Variants in DOCK4 observed in about 807,000 individuals in gnomAD.
DOCK4 encodes the protein dedicator of cytokinesis 4, also known as dedicator of cytokinesis protein 4.
A neutral mutation model predicts 268.1 loss-of-function variants in DOCK4; 97 were observed. That is an observed-to-expected ratio of 0.36 (90% CI 0.31 to 0.43). The LOEUF (loss-of-function observed/expected upper bound fraction) is 0.43, where lower values mean the gene tolerates loss of function less well. Among genes scored for constraint, DOCK4 ranks in the 20% least tolerant of loss-of-function variants. The pLI, the probability that DOCK4 is intolerant of heterozygous loss-of-function variation, is 1.00. For synonymous variants in DOCK4, 954 were observed against 887.2 expected (o/e 1.08, Z -1.34); for missense variants, 2,145 against 2,455.7 (o/e 0.87, Z 2.67).
chr7:111,888,233 AT>A (rs1467654419), intron 16 of DOCK4, among the ~76,000 whole-genome samples: 1 of 147,526 alleles, frequency 6.8e-6, no homozygotes, highest in Non-Finnish European at 1.5e-5. Context: ...GCCCTCTCCT[AT>A]CCCCAGCCCT....
chr7:111,741,140 T>C lies in DOCK4; in HGVS notation c.4994A>G (p.Asn1665Ser), dbSNP rs1795889068. The change falls in exon 47 of 53, where the codon AAT becomes AGT. Residue 1665 changes from asparagine to serine, a missense_variant. Asn to Ser is a conservative substitution (Grantham distance 46). This residue lies in a region of DOCK4 where 547 missense variants were observed against 469.0 expected (regional missense o/e 1.17). Coordinates refer to ENST00000428084, the MANE Select transcript of DOCK4 (RefSeq NM_001363540.2). The stretch of plus-strand genomic sequence containing the variant: ...AGAGCTTTCTGATTGCCCTGTAATA[T>C]TGCTTACTTCAGCAGAAGCTTGTGA... ...LSSQASAEVS[N>S]ITGQSESSDE... is the part of the protein sequence containing the mutation. 1 of 1,613,960 alleles carries C rather than the reference T, an allele frequency of 6.2e-7. No individual in the cohort carries two copies. The highest frequency in any genetic ancestry group is 8.5e-7 in the Non-Finnish European group (1 of 1,179,876).
Position 111,851,286 on chromosome 7 carries a change from T to C in DOCK4, c.2474-4160A>G, listed in dbSNP as rs148490538. Among the ~76,000 whole-genome samples the C allele has an allele frequency of 9.7e-3, 1,473 of 151,730 alleles. 19 individuals carry two copies. Among genetic ancestry groups the C allele is most frequent in the African/African-American group, 0.031 (1,291 of 41,350 alleles). ...AATGAAACCCCGTCTCTACTAAAAA[T>C]ACAAAAAATTAGCTGGGCGTGGCGG... On this transcript the variant is annotated intron_variant, in intron 23 of 52. Coordinates refer to ENST00000428084, the MANE Select transcript of DOCK4 (RefSeq NM_001363540.2).
At chr7:111,774,133 T>C (rs985786742) in intron 36 of DOCK4, among the ~76,000 whole-genome samples, 6 of 152,180 alleles carry the variant, frequency 3.9e-5, no homozygotes, top group Non-Finnish European at 5.9e-5. Flanking sequence ...CCATATAATA[T>C]GCAATTATTA....
rs547785853 is a variant in DOCK4 at position 111,972,380 on chromosome 7, G to A, written c.701+4752C>T. Among the ~76,000 whole-genome samples the A allele has an allele frequency of 5.1e-4, 78 of 151,982 alleles. 1 individual carries two copies. The East Asian group carries it at 7.9e-3, about 15-fold the overall frequency. On this transcript the variant is annotated intron_variant, in intron 8 of 52. Coordinates refer to ENST00000428084, the MANE Select transcript of DOCK4 (RefSeq NM_001363540.2). ...ACCTTCTCTAGCCTCTCGGTGTCTT[G>A]GCTTCCTCATCTGTAAAATTGGTGC...
At chr7:111,800,380 T>C (rs1339069372) in intron 30 of DOCK4, among the ~76,000 whole-genome samples, 1 of 152,214 alleles carries the variant, frequency 6.6e-6, no homozygotes, top group Non-Finnish European at 1.5e-5. Flanking sequence ...CCCAATAACA[T>C]ATCTCTCCCG....
intron 1 of DOCK4, among the ~76,000 whole-genome samples, chr7:112,127,510 T>G (rs939598126): frequency 1.3e-5 from 2 of 151,402 alleles, no homozygotes; most frequent in Admixed American, 6.6e-5. Flanking sequence ...TGTATACATA[T>G]GTAACTAACC....
chr7:111,732,535 T>C (rs1795174106), intron 51 of DOCK4: 1 of 539,144 alleles, frequency 1.9e-6, no homozygotes, highest in African/African-American at 1.9e-5. Context: ...ATGCTTTGAC[T>C]ATTGACAGGT....
chr7:111,897,655 C>T (rs752322049), intron 15 of DOCK4, among the ~76,000 whole-genome samples: 7 of 152,112 alleles, frequency 4.6e-5, no homozygotes, highest in African/African-American at 9.7e-5. Context: ...TCAGCAAATG[C>T]TACAGTTCAG....
intron 1 of DOCK4, among the ~76,000 whole-genome samples, chr7:112,196,274 C>T (rs1346262984): frequency 6.6e-6 from 1 of 152,168 alleles, no homozygotes; most frequent in African/African-American, 2.4e-5. Context: ...TTATTATATA[C>T]CATGTACCAC....
intron 1 of DOCK4, among the ~76,000 whole-genome samples, chr7:112,039,023 G>T (rs779467724): frequency 5.9e-5 from 9 of 152,162 alleles, no homozygotes; most frequent in Non-Finnish European, 1.0e-4. Flanking sequence ...TTTTTTCACA[G>T]TACAAAGTGA....
At chr7:112,191,418 T>C (rs1563172771) in intron 1 of DOCK4, among the ~76,000 whole-genome samples, 1 of 149,496 alleles carries the variant, frequency 6.7e-6, no homozygotes, top group Non-Finnish European at 1.5e-5. Context: ...CTGAGGCACC[T>C]AGTGGCTCCT....
intron 1 of DOCK4, among the ~76,000 whole-genome samples, chr7:112,059,742 A>T (rs189463548): frequency 6.6e-6 from 1 of 152,308 alleles, no homozygotes; most frequent in Non-Finnish European, 1.5e-5. Context: ...GGGGGGAAAA[A>T]GTCATGGAAT....
chr7:111,735,099 C>T lies in DOCK4; in HGVS notation c.5374G>A (p.Gly1792Arg). The T allele has an allele frequency of 1.2e-6, 2 of 1,601,968 alleles. No homozygotes were observed. The highest frequency in any genetic ancestry group is 1.7e-6 in the Non-Finnish European group (2 of 1,174,184). Residue 1792 changes from glycine to arginine, a missense_variant, in exon 51 of 53, where the codon GGG becomes AGG. Transcript: ENST00000428084. ...GGGACAGGGGGAGAGATAAGTTTCC[C>T]ACTATCCGACATGTTCTTGGCTTCC... ...GKEAKNMSDS[G>R]KLISPPVPPR... is the part of the protein sequence containing the mutation.
intron 1 of DOCK4, among the ~76,000 whole-genome samples, chr7:112,186,507 GGAAT>G (rs1248407810): frequency 6.6e-6 from 1 of 152,144 alleles, no homozygotes; most frequent in Non-Finnish European, 1.5e-5. Context: ...TCATGAGCAC[GGAAT>G]GAAATGATGC....
chr7:112,028,244 A>C (rs2135445054), intron 1 of DOCK4, among the ~76,000 whole-genome samples: 2 of 152,366 alleles, frequency 1.3e-5, no homozygotes, highest in South Asian at 4.1e-4. Flanking sequence ...ACAAAGGAAT[A>C]TGTTAATATG....
chr7:112,041,944 A>C (rs1014490210), intron 1 of DOCK4, among the ~76,000 whole-genome samples: 3 of 152,130 alleles, frequency 2.0e-5, no homozygotes, highest in Admixed American at 2.0e-4. Context: ...GTATAGGGGA[A>C]TACAGCTGCC....
intron 25 of DOCK4, among the ~76,000 whole-genome samples, chr7:111,838,742 G>T (rs1381754047): frequency 2.6e-5 from 4 of 152,106 alleles, no homozygotes; most frequent in Non-Finnish European, 2.9e-5. Flanking sequence ...GAACCGAGAG[G>T]GGCACAAGGA....
chr7:112,172,197 T>C (rs972586750), intron 1 of DOCK4, among the ~76,000 whole-genome samples: 15 of 152,110 alleles, frequency 9.9e-5, no homozygotes, highest in Non-Finnish European at 1.9e-4. Flanking sequence ...GTACGTTTCC[T>C]GTGCTGTGCA....
chr7:111,838,739 G>C (rs1158840478), intron 25 of DOCK4, among the ~76,000 whole-genome samples: 1 of 152,190 alleles, frequency 6.6e-6, no homozygotes, highest in Non-Finnish European at 1.5e-5. Flanking sequence ...AGGGAACCGA[G>C]AGGGGCACAA....
Sources: gnomAD v4.1 joint callset for allele counts (sites outside exome capture counted in the v4.1 genomes callset) on GRCh38, gnomAD v4.1.1 for gene constraint, gnomAD v4.1.1 regional missense constraint, MANE v1.5 for transcripts, NCBI Gene and HGNC (gene_info 2026-07-23, HGNC 2026-07-21) for gene names.